Variants in CNBD1 observed in about 807,000 individuals in gnomAD.
CNBD1 encodes cyclic nucleotide-binding domain-containing protein 1.
Under a neutral mutation model 54.4 loss-of-function variants are expected in CNBD1, and 71 were observed. The ratio of observed to expected loss-of-function variants is 1.30; its 90% CI spans 1.08 to 1.59. The LOEUF is 1.59. Among genes scored for constraint, CNBD1 ranks in the 40% most tolerant of loss-of-function variants. CNBD1 has a pLI of 0.00. For synonymous variants in CNBD1, 182 were observed against 170.7 expected, an observed-to-expected ratio of 1.07 and a Z score of -0.51; for missense variants, 659 against 518.0, an observed-to-expected ratio of 1.27 and a Z score of -2.64.
At chr8:87,384,676 C>T (rs574562101), downstream of CNBD1, among the ~76,000 whole-genome samples, 1 of 152,128 alleles carries the variant, frequency 6.6e-6, no homozygotes, top group East Asian at 1.9e-4. Flanking sequence ...ATGTTTTTTT[C>T]CACTTACTAA....
chr8:87,275,584 G>C (rs1004786260), intron 6 of CNBD1, among the ~76,000 whole-genome samples: 14 of 151,512 alleles, frequency 9.2e-5, no homozygotes, highest in Admixed American at 2.0e-4. Flanking sequence ...AAAATAATAA[G>C]AGCTATCTGT....
At chr8:87,428,392 A>C (rs1025023840) in intron 2 of CNBD1, among the ~76,000 whole-genome samples, 2 of 152,200 alleles carry the variant, frequency 1.3e-5, no homozygotes, top group African/African-American at 4.8e-5. Flanking sequence ...GGTTGTCTGA[A>C]CTTAGAAGTA....
chr8:87,364,991 C>A, intron 10 of CNBD1, among the ~76,000 whole-genome samples: 1 of 151,960 alleles, frequency 6.6e-6, no homozygotes, highest in East Asian at 1.9e-4. Context: ...TATTCATATT[C>A]TTTTTGGTAT....
chr8:87,348,499 G>T (rs563160674), intron 8 of CNBD1, among the ~76,000 whole-genome samples: 161 of 152,142 alleles, frequency 1.1e-3, no homozygotes, highest in South Asian at 3.5e-3. Flanking sequence ...AACATTAATT[G>T]GTACTATTAC....
intron 4 of CNBD1, among the ~76,000 whole-genome samples, chr8:86,976,653 T>C (rs1808348874): frequency 6.6e-6 from 1 of 152,014 alleles, no homozygotes; most frequent in African/African-American, 2.4e-5. Flanking sequence ...CAATATTAAT[T>C]CTTCCCATTC....
At chr8:87,371,171 A>C (rs373543489) in intron 10 of CNBD1, among the ~76,000 whole-genome samples, 36 of 151,890 alleles carry the variant, frequency 2.4e-4, no homozygotes, top group East Asian at 1.9e-3. Context: ...TGATGCCTCC[A>C]GTTTTGTTCT....
chr8:87,405,603 G>A (rs564379366), intron 2 of CNBD1, among the ~76,000 whole-genome samples: 1 of 152,174 alleles, frequency 6.6e-6, no homozygotes, highest in East Asian at 1.9e-4. Flanking sequence ...ATTCAGATGA[G>A]TGAAAAACTA....
chr8:87,417,458 G>T (rs1807856286), intron 2 of CNBD1, among the ~76,000 whole-genome samples: 1 of 151,964 alleles, frequency 6.6e-6, no homozygotes, highest in Non-Finnish European at 1.5e-5. Flanking sequence ...AAATAAAAGG[G>T]AATTTCCTCA....
chr8:87,273,034 C>T (rs1479303701), intron 6 of CNBD1, among the ~76,000 whole-genome samples: 2 of 151,644 alleles, frequency 1.3e-5, no homozygotes, highest in African/African-American at 2.4e-5. Flanking sequence ...TAATTATTTC[C>T]AGTGACTGAA....
In CNBD1 at chr8:87,050,320, C is replaced by T. The variant is rs142891186; in HGVS notation, c.431+110566C>T. ...GACAGGAGTAAACCTAGGTACTTCA[C>T]TGAGGTTTGACAAAGCTGAGCCTTA... On this transcript the variant is annotated intron_variant, in intron 4 of 10. Transcript: ENST00000518476. Among the ~76,000 whole-genome samples the T allele has an allele frequency of 3.5e-3, 536 of 152,316 alleles. 17 individuals are homozygous for T. Among genetic ancestry groups the T allele is most frequent in the Admixed American group, 0.027 (408 of 15,298 alleles).
chr8:87,191,756 G>GC (rs1813614853), intron 4 of CNBD1, among the ~76,000 whole-genome samples: 1 of 152,166 alleles, frequency 6.6e-6, no homozygotes, highest in African/African-American at 2.4e-5. Flanking sequence ...CACCCCGACT[G>GC]CCCACTGTGT....
At chr8:87,002,799 T>C (rs1809020207) in intron 4 of CNBD1, among the ~76,000 whole-genome samples, 1 of 152,202 alleles carries the variant, frequency 6.6e-6, no homozygotes, top group Non-Finnish European at 1.5e-5. Context: ...ATTATGTTTC[T>C]TGTTTATCTG....
At chr8:87,272,436 T>C (rs1437451961) in intron 6 of CNBD1, among the ~76,000 whole-genome samples, 1 of 152,032 alleles carries the variant, frequency 6.6e-6, no homozygotes, top group South Asian at 2.1e-4. Context: ...TTTCAATTTA[T>C]ATCTCAGCTT....
At chr8:87,000,495 G>A (rs147578559) in intron 4 of CNBD1, among the ~76,000 whole-genome samples, 15 of 152,174 alleles carry the variant, frequency 9.9e-5, no homozygotes, top group Middle Eastern at 3.4e-3. Context: ...GAGACTTAGA[G>A]CAAATTATAT....
At position 87,022,565 on chromosome 8, in the gene CNBD1, T is replaced by C. The variant is rs192630631; in HGVS notation, c.431+82811T>C. Among the ~76,000 whole-genome samples the C allele has an allele frequency of 1.3e-3, 203 of 152,346 alleles. 1 individual carries two copies. Among genetic ancestry groups the C allele is most frequent in the African/African-American group, 4.7e-3 (195 of 41,580 alleles). On this transcript the variant is annotated intron_variant, in intron 4 of 10. Transcript: ENST00000518476. ...ACTGGAAGCTTTATGCTTTCAAGTGTGTGCTTGACACTTCAGATGACCTTG... is the reference window on the plus strand; with the variant it reads ...ACTGGAAGCTTTATGCTTTCAAGTGCGTGCTTGACACTTCAGATGACCTTG...
intron 4 of CNBD1, among the ~76,000 whole-genome samples, chr8:87,188,535 G>A (rs1586316773): frequency 6.6e-6 from 1 of 151,974 alleles, no homozygotes; most frequent in East Asian, 1.9e-4. Flanking sequence ...TTCGAGACCA[G>A]CCTGGCCAAC....
At chr8:86,974,257 A>T (rs1808291374) in intron 4 of CNBD1, among the ~76,000 whole-genome samples, 1 of 152,112 alleles carries the variant, frequency 6.6e-6, no homozygotes, top group Non-Finnish European at 1.5e-5. Flanking sequence ...GGAAAATAAA[A>T]ATTTTTGTTA....
chr8:87,244,366 T>C (rs1563521760), intron 6 of CNBD1, among the ~76,000 whole-genome samples: 1 of 152,190 alleles, frequency 6.6e-6, no homozygotes, highest in East Asian at 1.9e-4. Flanking sequence ...AGTTGCCAGC[T>C]TGACTTTTTC....
intron 6 of CNBD1, among the ~76,000 whole-genome samples, chr8:87,261,265 C>T (rs564869657): frequency 5.3e-5 from 8 of 152,190 alleles, no homozygotes; most frequent in East Asian, 2.0e-4. Flanking sequence ...AGCTTACCCA[C>T]GATCCCCAGC....
Sources: allele counts gnomAD v4.1 joint callset (sites outside exome capture counted in the v4.1 genomes callset), GRCh38; gene constraint gnomAD v4.1.1; transcripts MANE v1.5; gene names NCBI Gene and HGNC (gene_info 2026-07-23, HGNC 2026-07-21).